Variants in BTRC observed in about 807,000 individuals in gnomAD.
The protein encoded by BTRC is beta-transducin repeat containing E3 ubiquitin protein ligase.
BTRC carries 42 observed loss-of-function variants against 85.5 expected under a neutral mutation model. The observed-to-expected ratio is 0.49, with a 90% CI of 0.38 to 0.64. The LOEUF is 0.64. Ranked by LOEUF, BTRC falls within the 30% of genes least tolerant of loss-of-function variation. The probability of loss-of-function intolerance (pLI) is 0.00; values close to 1 mark genes in which losing one functional copy is unlikely to be tolerated. For synonymous variants in BTRC, 255 were observed against 263.3 expected, an observed-to-expected ratio of 0.97 and a Z score of 0.30; for missense variants, 594 against 743.5, an observed-to-expected ratio of 0.80 and a Z score of 2.34.
At chr10:101,406,788 C>G (rs1313635344) in intron 1 of BTRC, among the ~76,000 whole-genome samples, 1 of 152,044 alleles carries the variant, frequency 6.6e-6, no homozygotes, top group Non-Finnish European at 1.5e-5. Context: ...CCCACCTCAG[C>G]CTCGCAAAGT....
At chr10:101,504,967 A>C (rs1343926290) in intron 4 of BTRC, among the ~76,000 whole-genome samples, 1 of 151,340 alleles carries the variant, frequency 6.6e-6, no homozygotes, top group Non-Finnish European at 1.5e-5. Flanking sequence ...TTTGAGATGA[A>C]GTCTTACTCT....
chr10:101,365,968 T>C (rs1942362123), intron 1 of BTRC, among the ~76,000 whole-genome samples: 1 of 152,190 alleles, frequency 6.6e-6, no homozygotes, highest in East Asian at 1.9e-4. Flanking sequence ...GCTCCAGTTT[T>C]CTTAACCAGA....
chr10:101,406,056 C>A (rs1943611349), intron 1 of BTRC, among the ~76,000 whole-genome samples: 1 of 151,866 alleles, frequency 6.6e-6, no homozygotes, highest in African/African-American at 2.4e-5. Flanking sequence ...GTGTATTTTC[C>A]CTTTAGTTCT....
chr10:101,522,375 AAC>A (rs1482670898), intron 5 of BTRC, among the ~76,000 whole-genome samples: 18 of 69,926 alleles, frequency 2.6e-4, no homozygotes, highest in African/African-American at 7.1e-4. Context: ...AACAAAAAAA[AAC>A]AAAAAAAAAA....
In BTRC at chr10:101,431,609, A is replaced by G. The variant is rs183744498; in HGVS notation, c.156+1157A>G. ...TAATACACAACAAATTAGTTTTTATATTAATATTTGCCTGCTTTTAACCTG... is the reference window on the plus strand; with the variant it reads ...TAATACACAACAAATTAGTTTTTATGTTAATATTTGCCTGCTTTTAACCTG... On this transcript the variant is annotated intron_variant, in intron 2 of 14. Transcript: ENST00000370187. 1.6e-4 allele frequency among the ~76,000 whole-genome samples: 25 copies of G among 152,276 alleles called. No homozygotes were observed. The East Asian group carries it at 4.0e-3, about 25-fold the overall frequency.
chr10:101,371,088 T>G (rs761635802), intron 1 of BTRC, among the ~76,000 whole-genome samples: 6 of 152,208 alleles, frequency 3.9e-5, no homozygotes, highest in Non-Finnish European at 7.3e-5. Flanking sequence ...CTTTTTTGTC[T>G]TGCAAAACTG....
In BTRC at chr10:101,365,113, G is replaced by A. The variant is rs1942330670; in HGVS notation, c.48+10885G>A. On this transcript the variant is annotated intron_variant, in intron 1 of 14. Coordinates refer to ENST00000370187, the MANE Select transcript of BTRC (RefSeq NM_033637.4). ...TTTAAGATGGAGTTTCGCTCTTGGT[G>A]CCCAGGCTGGAATACAATGGCGCGA... The A allele has an allele frequency of 2.7e-5, 4 of 150,492 alleles. No individual in the cohort carries two copies. In the South Asian group the frequency reaches 8.4e-4, roughly 32 times the overall value. 9.3% of individuals were successfully genotyped at this position (150,492 alleles called of 1,614,324 possible).
At position 101,536,535 on chromosome 10, in the gene BTRC, T is replaced by C; in HGVS notation, c.1467-8T>C. On this transcript the variant is annotated splice_region_variant and splice_polypyrimidine_tract_variant and intron_variant, in intron 11 of 14. Transcript: ENST00000370187. ...TGAAAATTCACCTGACTTAATTTTC[T>C]CTTCCAGATTATGGGACATAGAATG... is the stretch of plus-strand genomic sequence containing the variant. 1 of 1,601,804 alleles carries C rather than the reference T, an allele frequency of 6.2e-7. No individual in the cohort carries two copies. Among genetic ancestry groups the C allele is most frequent in the Non-Finnish European group, 8.6e-7 (1 of 1,169,098 alleles).
chr10:101,416,694 G>A (rs577828540), intron 1 of BTRC, among the ~76,000 whole-genome samples: 35 of 152,226 alleles, frequency 2.3e-4, no homozygotes, highest in African/African-American at 8.2e-4. Context: ...CTCTCTGCGT[G>A]TAAAATTTAG....
chr10:101,375,782 A>C (rs1427269214), intron 1 of BTRC, among the ~76,000 whole-genome samples: 1 of 152,212 alleles, frequency 6.6e-6, no homozygotes, highest in Non-Finnish European at 1.5e-5. Context: ...ACAGATTCTT[A>C]GTTCTTTTTC....
intron 1 of BTRC, among the ~76,000 whole-genome samples, chr10:101,357,848 T>C (rs1942087051): frequency 6.6e-6 from 1 of 152,214 alleles, no homozygotes; most frequent in Non-Finnish European, 1.5e-5. Context: ...TGTTTAACTT[T>C]TAAAAACAAA....
chr10:101,524,076 T>A (rs1473091360), intron 5 of BTRC, among the ~76,000 whole-genome samples: 1 of 152,172 alleles, frequency 6.6e-6, no homozygotes, highest in Non-Finnish European at 1.5e-5. Context: ...TGTTTTATAT[T>A]TGCCAATTAT....
intron 1 of BTRC, among the ~76,000 whole-genome samples, chr10:101,408,598 G>T (rs1313987440): frequency 6.6e-6 from 1 of 152,138 alleles, no homozygotes; most frequent in Non-Finnish European, 1.5e-5. Flanking sequence ...GAGTCACTGG[G>T]CCTGGCCCTT....
upstream of BTRC, chr10:101,354,129 G>C (rs1284559101): frequency 1.9e-6 from 3 of 1,545,136 alleles, no homozygotes; most frequent in African/African-American, 4.1e-5. Context: ...GCTGCGGCCT[G>C]GCACCAAAGG....
intron 1 of BTRC, among the ~76,000 whole-genome samples, chr10:101,403,603 C>A (rs1387311279): frequency 6.6e-6 from 1 of 151,888 alleles, no homozygotes; most frequent in Non-Finnish European, 1.5e-5. Flanking sequence ...TTTTACTTCC[C>A]CACTTTGAGA....
intron 3 of BTRC, among the ~76,000 whole-genome samples, chr10:101,472,647 T>C: frequency 6.6e-6 from 1 of 152,124 alleles, no homozygotes. Flanking sequence ...AAACCCTGTC[T>C]CTACTAAAAA....
At chr10:101,434,173 T>C (rs1185791587) in intron 2 of BTRC, among the ~76,000 whole-genome samples, 2 of 152,224 alleles carry the variant, frequency 1.3e-5, no homozygotes, top group Non-Finnish European at 2.9e-5. Flanking sequence ...GTTATTTTGG[T>C]TGACATATGT....
intron 14 of BTRC, among the ~76,000 whole-genome samples, chr10:101,551,931 T>C (rs987052913): frequency 2.0e-5 from 3 of 152,202 alleles, no homozygotes; most frequent in Admixed American, 6.5e-5. Context: ...GGAAAATTCC[T>C]AGTGCTTAGC....
intron 13 of BTRC, among the ~76,000 whole-genome samples, chr10:101,544,280 C>G (rs1016734034): frequency 6.6e-6 from 1 of 152,154 alleles, no homozygotes; most frequent in African/African-American, 2.4e-5. Context: ...CTATTGCCTC[C>G]CATTCCTTTG....
Sources: allele counts gnomAD v4.1 joint callset (sites outside exome capture counted in the v4.1 genomes callset), GRCh38; gene constraint gnomAD v4.1.1; transcripts MANE v1.5; gene names NCBI Gene and HGNC (gene_info 2026-07-23, HGNC 2026-07-21).